The following LDB2 variants were observed in gnomAD, a reference collection of about 807,000 sequenced individuals.
LDB2 encodes the protein LIM domain-binding protein 2.
In LDB2, 12 loss-of-function variants were observed where a neutral mutation model predicts 44.3. The observed-to-expected ratio is 0.27, with a 90% confidence interval of 0.17 to 0.44. LDB2 has a LOEUF of 0.44. Among genes scored for constraint, LDB2 ranks in the 20% least tolerant of loss-of-function variants. The pLI is 1.00. For missense variants in LDB2, 344 were observed against 473.5 expected (o/e 0.73, Z 2.54); for synonymous variants, 164 against 174.8 (o/e 0.94, Z 0.49).
chr4:16,792,696 C>T (rs938399733), intron 1 of LDB2, among the ~76,000 whole-genome samples: 1 of 152,198 alleles, frequency 6.6e-6, no homozygotes, highest in East Asian at 1.9e-4. Flanking sequence ...CCATTCCTCC[C>T]AGTTATCCAT....
intron 2 of LDB2, among the ~76,000 whole-genome samples, chr4:16,658,438 A>T (rs1369186077): frequency 6.6e-6 from 1 of 152,196 alleles, no homozygotes; most frequent in East Asian, 1.9e-4. Context: ...CAGGAAAGTA[A>T]CATAAGTAAG....
chr4:16,865,080 G>A lies in LDB2; in HGVS notation c.132+33274C>T, dbSNP rs12512062. The stretch of plus-strand genomic sequence containing the variant: ...CACCTGGCCAACATGGTGAAACCCC[G>A]TCTCGTCTAAAAATACAAAAAATTA... On this transcript the variant is annotated intron_variant, in intron 1 of 7. Transcript: ENST00000304523. Among the ~76,000 whole-genome samples the A allele has an allele frequency of 7.4e-3, 1,130 of 151,698 alleles. 10 individuals are homozygous for A. The highest frequency in any genetic ancestry group is 0.014 in the Admixed American group (218 of 15,224).
chr4:16,849,506 T>G (rs1484598759), intron 1 of LDB2, among the ~76,000 whole-genome samples: 1 of 152,228 alleles, frequency 6.6e-6, no homozygotes, highest in Non-Finnish European at 1.5e-5. Flanking sequence ...CCACATTCCA[T>G]GCAGCAAGAA....
At chr4:16,635,132 G>A (rs1733209241) in intron 2 of LDB2, among the ~76,000 whole-genome samples, 1 of 152,074 alleles carries the variant, frequency 6.6e-6, no homozygotes, top group African/African-American at 2.4e-5. Flanking sequence ...CACACACCAC[G>A]GCCTGTCAGG....
At chr4:16,739,193 G>T (rs1762458456) in intron 2 of LDB2, among the ~76,000 whole-genome samples, 1 of 151,938 alleles carries the variant, frequency 6.6e-6, no homozygotes, top group Non-Finnish European at 1.5e-5. Flanking sequence ...TCCTTTTGAT[G>T]ATATAAGTAT....
Position 16,835,314 on chromosome 4 carries a change from C to A in LDB2, c.132+63040G>T, listed in dbSNP as rs142812678. On this transcript the variant is annotated intron_variant, in intron 1 of 7. Transcript: ENST00000304523. ...ATCCCCACACCCCAGACAGAGGTAG[C>A]CCAATGTTGCGGTCAATTACCATTA... Among the ~76,000 whole-genome samples, 659 of 152,314 alleles carry A rather than the reference C, an allele frequency of 4.3e-3. 4 individuals are homozygous for A. Among genetic ancestry groups the A allele is most frequent in the African/African-American group, 0.014 (599 of 41,570 alleles).
intron 2 of LDB2, among the ~76,000 whole-genome samples, chr4:16,683,740 C>T (rs930605496): frequency 6.6e-6 from 1 of 152,174 alleles, no homozygotes; most frequent in East Asian, 1.9e-4. Flanking sequence ...ATAGATGAAC[C>T]TTCAAGGCTC....
At chr4:16,540,053 G>A (rs1287088829) in intron 5 of LDB2, among the ~76,000 whole-genome samples, 1 of 152,200 alleles carries the variant, frequency 6.6e-6, no homozygotes, top group African/African-American at 2.4e-5. Flanking sequence ...CATATCTTAT[G>A]ATGGCAGAGC....
At chr4:16,590,357 T>C (rs1161792348) in intron 3 of LDB2, among the ~76,000 whole-genome samples, 1 of 152,088 alleles carries the variant, frequency 6.6e-6, no homozygotes, top group Admixed American at 6.6e-5. Context: ...TAAGTAAAAA[T>C]TAATTAACTG....
intron 2 of LDB2, among the ~76,000 whole-genome samples, chr4:16,659,677 A>G (rs375111891): frequency 0.37 from 52,792 of 143,526 alleles, 11,624 homozygotes; most frequent in Middle Eastern, 0.58. Flanking sequence ...GTGTGTATAT[A>G]TATATATATA....
At chr4:16,860,861 G>A (rs920532152) in intron 1 of LDB2, among the ~76,000 whole-genome samples, 2 of 152,050 alleles carry the variant, frequency 1.3e-5, no homozygotes, top group African/African-American at 4.8e-5. Flanking sequence ...TACCACATGG[G>A]TCCAAATCTG....
chr4:16,549,408 CTCCTT>C (rs1487747488), intron 5 of LDB2, among the ~76,000 whole-genome samples: 2 of 152,236 alleles, frequency 1.3e-5, no homozygotes, highest in Non-Finnish European at 2.9e-5. Flanking sequence ...GACTCAATCT[CTCCTT>C]TCAAGCCCCA....
chr4:16,765,388 T>C (rs1427799323), intron 1 of LDB2, among the ~76,000 whole-genome samples: 1 of 152,228 alleles, frequency 6.6e-6, no homozygotes, highest in Non-Finnish European at 1.5e-5. Flanking sequence ...TGACCTACAA[T>C]GTCCAGCAAA....
At chr4:16,584,860 G>A (rs1274746690) in intron 5 of LDB2, among the ~76,000 whole-genome samples, 1 of 152,176 alleles carries the variant, frequency 6.6e-6, no homozygotes, top group African/African-American at 2.4e-5. Flanking sequence ...GTTAAATGCA[G>A]CTAAAAGATG....
chr4:16,669,978 G>C (rs115488390), intron 2 of LDB2, among the ~76,000 whole-genome samples: 1 of 152,204 alleles, frequency 6.6e-6, no homozygotes, highest in African/African-American at 2.4e-5. Context: ...CATTTATTGA[G>C]AAATAATCCA....
At chr4:16,671,732 A>G (rs1252230929) in intron 2 of LDB2, among the ~76,000 whole-genome samples, 3 of 152,032 alleles carry the variant, frequency 2.0e-5, no homozygotes, top group African/African-American at 7.2e-5. Context: ...AAAGTCTGCA[A>G]TAGCTTGGGG....
chr4:16,529,169 G>C (rs574252928), intron 5 of LDB2, among the ~76,000 whole-genome samples: 1 of 152,078 alleles, frequency 6.6e-6, no homozygotes, highest in Non-Finnish European at 1.5e-5. Context: ...AATGAGTAAC[G>C]GGCCCAAGGA....
chr4:16,838,660 A>C (rs1185957196), intron 1 of LDB2, among the ~76,000 whole-genome samples: 1 of 152,190 alleles, frequency 6.6e-6, no homozygotes, highest in Non-Finnish European at 1.5e-5. Context: ...AGCTCCCAAC[A>C]CACACTGAGG....
chr4:16,897,811 C>G (rs1409554910), intron 1 of LDB2, among the ~76,000 whole-genome samples: 1 of 151,098 alleles, frequency 6.6e-6, no homozygotes, highest in African/African-American at 2.4e-5. Flanking sequence ...GTTTACTCTT[C>G]TGCCCCTTTT....
Sources: gnomAD v4.1 joint callset for allele counts (sites outside exome capture counted in the v4.1 genomes callset) on GRCh38, gnomAD v4.1.1 for gene constraint, MANE v1.5 for transcripts, NCBI Gene and HGNC (gene_info 2026-07-23, HGNC 2026-07-21) for gene names.